Variants in GPHN observed in about 807,000 individuals in gnomAD.
GPHN encodes gephyrin.
A neutral mutation model predicts 95.5 loss-of-function variants in GPHN; 17 were observed. The observed-to-expected ratio is 0.18, with a 90% CI of 0.12 to 0.27. GPHN has a LOEUF of 0.27. Ranked by LOEUF, GPHN falls within the 10% of genes least tolerant of loss-of-function variation. The pLI is 1.00. For missense variants in GPHN, 660 were observed against 978.1 expected, an observed-to-expected ratio of 0.67 and a Z score of 4.34; for synonymous variants, 320 against 322.5, an observed-to-expected ratio of 0.99 and a Z score of 0.08.
intron 1 of GPHN, among the ~76,000 whole-genome samples, chr14:66,664,840 C>A (rs546520724): frequency 2.0e-5 from 3 of 151,946 alleles, no homozygotes; most frequent in African/African-American, 7.2e-5. Flanking sequence ...TTATAAACAC[C>A]TCTATCTGTA....
At chr14:67,510,307 G>A in the GPHN span, among the ~76,000 whole-genome samples, 1 of 152,328 alleles carries the variant, frequency 6.6e-6, no homozygotes, top group African/African-American at 2.4e-5. Context: ...GCTGTCCAAG[G>A]TCACACAAGT....
chr14:66,991,179 T>C (rs1486535278), intron 9 of GPHN, among the ~76,000 whole-genome samples: 1 of 152,130 alleles, frequency 6.6e-6, no homozygotes, highest in African/African-American at 2.4e-5. Context: ...ATCATCTTTT[T>C]CTCTATATCA....
At chr14:67,487,509 C>A in the GPHN span, among the ~76,000 whole-genome samples, 183 of 152,326 alleles carry the variant, frequency 1.2e-3, no homozygotes, top group African/African-American at 4.3e-3. Flanking sequence ...TACATTCTCA[C>A]CTTCACCCTG....
At chr14:66,792,384 A>C (rs1054317071) in intron 3 of GPHN, among the ~76,000 whole-genome samples, 1 of 152,102 alleles carries the variant, frequency 6.6e-6, no homozygotes, top group African/African-American at 2.4e-5. Context: ...ATGTTAGTGC[A>C]CAACTGTAGT....
the GPHN span, among the ~76,000 whole-genome samples, chr14:67,509,668 C>T: frequency 1.3e-5 from 2 of 152,142 alleles, no homozygotes; most frequent in Non-Finnish European, 2.9e-5. Context: ...TTTACCCTCT[C>T]CCCAACATTT....
At chr14:66,762,151 A>G (rs2058781984) in intron 2 of GPHN, among the ~76,000 whole-genome samples, 1 of 151,756 alleles carries the variant, frequency 6.6e-6, no homozygotes, top group South Asian at 2.1e-4. Flanking sequence ...AAAAAAAAAG[A>G]ATTACAATGG....
chr14:67,472,415 C>T, the GPHN span: 4 of 152,342 alleles, frequency 2.6e-5, no homozygotes, highest in African/African-American at 4.8e-5. Context: ...GCCTCTAGGT[C>T]CCCACTGTGG....
At chr14:67,182,841 C>CTTT (rs1247844705), downstream of GPHN, among the ~76,000 whole-genome samples, 43 of 120,028 alleles carry the variant, frequency 3.6e-4, no homozygotes, top group Non-Finnish European at 4.3e-4. Context: ...GTTAGTGGGT[C>CTTT]TTTTTTTTTT....
intron 4 of GPHN, among the ~76,000 whole-genome samples, chr14:66,830,503 G>A (rs749251389): frequency 2.6e-5 from 4 of 151,944 alleles, no homozygotes; most frequent in Non-Finnish European, 4.4e-5. Context: ...GACATTCTTA[G>A]GAATGCCTCA....
At chr14:67,670,006 G>A in the GPHN span, among the ~76,000 whole-genome samples, 2 of 152,142 alleles carry the variant, frequency 1.3e-5, no homozygotes, top group Non-Finnish European at 2.9e-5. Context: ...GAGGTGGGAG[G>A]ATCACCTGAG....
chr14:67,199,383 A>C, the GPHN span: 6 of 1,613,952 alleles, frequency 3.7e-6, no homozygotes, highest in South Asian at 6.6e-5. Flanking sequence ...GGGAACCTGG[A>C]CCCTGAGATT....
the GPHN span, chr14:67,393,293 A>G: frequency 8.7e-6 from 11 of 1,269,340 alleles, no homozygotes; most frequent in African/African-American, 2.9e-5. Context: ...GCGGGCAGGT[A>G]TAAGGGAGGG....
chr14:67,512,407 A>G, the GPHN span, among the ~76,000 whole-genome samples: 2 of 152,248 alleles, frequency 1.3e-5, no homozygotes, highest in Admixed American at 6.5e-5. Flanking sequence ...TTCCCTCCTT[A>G]GCCAGGTGTT....
intron 11 of GPHN, among the ~76,000 whole-genome samples, chr14:67,063,963 C>T (rs1435261706): frequency 3.3e-5 from 5 of 152,144 alleles, no homozygotes; most frequent in African/African-American, 1.2e-4. Context: ...GAACTTCCAA[C>T]ACCATGTTGA....
chr14:67,520,098 T>C, the GPHN span, among the ~76,000 whole-genome samples: 1 of 152,198 alleles, frequency 6.6e-6, no homozygotes, highest in African/African-American at 2.4e-5. Context: ...CCATAGCTCC[T>C]GCCTCCACAC....
intron 9 of GPHN, among the ~76,000 whole-genome samples, chr14:66,970,619 C>A (rs1014769269): frequency 6.6e-6 from 1 of 152,156 alleles, no homozygotes; most frequent in African/African-American, 2.4e-5. Flanking sequence ...AAGTCACTAA[C>A]TGGTGACGGC....
chr14:67,316,795 T>C, the GPHN span: 1 of 1,556,912 alleles, frequency 6.4e-7, no homozygotes, highest in Non-Finnish European at 8.7e-7. Context: ...CCTTTTATCT[T>C]AAATATTTTA....
the GPHN span, among the ~76,000 whole-genome samples, chr14:67,349,473 C>T: frequency 6.6e-6 from 1 of 152,158 alleles, no homozygotes; most frequent in East Asian, 1.9e-4. Flanking sequence ...GTTAAGCTGG[C>T]GTTCAATTCC....
intron 1 of GPHN, among the ~76,000 whole-genome samples, chr14:66,662,861 G>A (rs879693971): frequency 6.6e-6 from 1 of 152,124 alleles, no homozygotes; most frequent in Non-Finnish European, 1.5e-5. Flanking sequence ...TAGACCAAGT[G>A]GAGGAAAGAA....
Sources: gnomAD v4.1 joint callset for allele counts (sites outside exome capture counted in the v4.1 genomes callset) on GRCh38, gnomAD v4.1.1 for gene constraint, MANE v1.5 for transcripts, NCBI Gene and HGNC (gene_info 2026-07-23, HGNC 2026-07-21) for gene names.